MYO16: variants seen among roughly 807,000 people sequenced by gnomAD.
The protein encoded by MYO16 is unconventional myosin-XVI.
Under a neutral mutation model 205.3 loss-of-function variants are expected in MYO16, and 94 were observed. That is an observed-to-expected ratio of 0.46 (90% CI 0.39 to 0.54). The LOEUF (loss-of-function observed/expected upper bound fraction) is 0.54, where lower values mean the gene tolerates loss of function less well. Among genes scored for constraint, MYO16 ranks in the 20% least tolerant of loss-of-function variants. MYO16 has a pLI of 0.00. For missense variants in MYO16, 2,315 were observed against 2,387.5 expected, an observed-to-expected ratio of 0.97 and a Z score of 0.63; for synonymous variants, 988 against 954.0, an observed-to-expected ratio of 1.04 and a Z score of -0.66.
At position 109,162,356 on chromosome 13, in the gene MYO16, G is replaced by A. The variant is rs953091742; in HGVS notation, c.5165-2545G>A. ...GCCTTGGGGAAGCCCTCACTGCGCT[G>A]AGAATAAAACCTCTCAGTTCCTCTT... On this transcript the variant is annotated intron_variant, in intron 32 of 34. Transcript: ENST00000457511. This position sits in a 1 kb window ranked among gnomAD's most constrained non-coding sequence, Gnocchi z 4.6. Among the ~76,000 whole-genome samples the A allele has an allele frequency of 3.9e-5, 6 of 152,276 alleles. No homozygotes were observed. Among genetic ancestry groups the A allele is most frequent in the African/African-American group, 1.4e-4 (6 of 41,548 alleles).
chr13:109,141,454 G>A lies in MYO16; in HGVS notation c.5164+78G>A, dbSNP rs2139810587. ...TGCACCTGTGTACATCCGTGTCTGC[G>A]CAGATGTGAAATAGTAAAGTTTCAG... is the stretch of plus-strand genomic sequence containing the variant. On this transcript the variant is annotated intron_variant, in intron 32 of 34. Coordinates refer to ENST00000457511, the MANE Select transcript of MYO16 (RefSeq NM_001198950.3). This position sits in a 1 kb window ranked among gnomAD's most constrained non-coding sequence, Gnocchi z 4.1. 1 of 997,708 alleles carries A rather than the reference G, an allele frequency of 1.0e-6. No individual in the cohort carries two copies. 61.8% of individuals were successfully genotyped at this position (997,708 alleles called of 1,614,324 possible). A position where few individuals can be genotyped will look rare whatever the true frequency, so the allele number is the denominator to read the frequency against.
At chr13:108,828,563 A>T (rs903922529) in intron 9 of MYO16, among the ~76,000 whole-genome samples, 2 of 152,098 alleles carry the variant, frequency 1.3e-5, no homozygotes, top group African/African-American at 4.8e-5. Context: ...TGCCTTTGTT[A>T]CTCATGAGCC....
chr13:108,636,365 T>TG (rs1439881419), intron 1 of MYO16, among the ~76,000 whole-genome samples: 420 of 64,622 alleles, frequency 6.5e-3, no homozygotes, highest in Non-Finnish European at 0.01. Context: ...TTTTTTTTTT[T>TG]TTTTTGTGTG....
the MYO16 span, among the ~76,000 whole-genome samples, chr13:108,539,810 A>G: frequency 2.3e-3 from 345 of 152,230 alleles, 2 homozygotes; most frequent in African/African-American, 7.8e-3. Context: ...AAGCTCAGCC[A>G]AAAGAGTAGA....
intron 12 of MYO16, among the ~76,000 whole-genome samples, chr13:108,873,778 C>A (rs912596911): frequency 3.2e-4 from 48 of 151,430 alleles, no homozygotes; most frequent in Non-Finnish European, 6.2e-4. Context: ...AGGGTCCATG[C>A]CAACCAACCA....
At chr13:108,901,441 A>C (rs1351523902) in intron 15 of MYO16, among the ~76,000 whole-genome samples, 2 of 152,164 alleles carry the variant, frequency 1.3e-5, no homozygotes, top group African/African-American at 4.8e-5. Context: ...ACTCTTAGGG[A>C]AATTAGAAAA....
At chr13:109,037,561 G>A (rs749143492) in intron 23 of MYO16, among the ~76,000 whole-genome samples, 33 of 152,166 alleles carry the variant, frequency 2.2e-4, no homozygotes, top group Non-Finnish European at 3.2e-4. Context: ...GTACAGGTGA[G>A]CATTAGAAAC....
chr13:108,798,738 GCCCAGGCCGGACTGC>G (rs1886876055), intron 6 of MYO16, among the ~76,000 whole-genome samples: 1 of 102,090 alleles, frequency 9.8e-6, no homozygotes. Context: ...TCGCTCTGTC[GCCCAGGCCGGACTGC>G]GGACTGCAGT....
chr13:109,206,657 G>GA lies in MYO16; in HGVS notation c.5466dup (p.Leu1823ThrfsTer10). The GA allele has an allele frequency of 6.2e-7, 1 of 1,614,066 alleles. No individual in the cohort carries two copies. Among genetic ancestry groups the GA allele is most frequent in the African/African-American group, 1.3e-5 (1 of 75,028 alleles). On this transcript the variant is annotated frameshift_variant, in exon 35 of 35. Coordinates refer to ENST00000457511, the MANE Select transcript of MYO16 (RefSeq NM_001198950.3). LOFTEE classifies it high-confidence loss of function. ...AGAGAATGAAAGTGTGGCCCTGCAG[G>GA]AACTCTTGGACTGGAGGAGAAAGCT...
At chr13:108,753,357 C>G (rs1260469755) in intron 4 of MYO16, among the ~76,000 whole-genome samples, 1 of 84,786 alleles carries the variant, frequency 1.2e-5, no homozygotes, top group African/African-American at 6.6e-5. Context: ...GCAATAAGAG[C>G]AAAACTCTGT....
At chr13:108,556,695 A>C in the MYO16 span, among the ~76,000 whole-genome samples, 1 of 152,182 alleles carries the variant, frequency 6.6e-6, no homozygotes, top group Non-Finnish European at 1.5e-5. Context: ...TCATATTTAA[A>C]AATCATTGCC....
chr13:108,781,495 A>T (rs1040340056), intron 4 of MYO16, among the ~76,000 whole-genome samples: 2 of 152,192 alleles, frequency 1.3e-5, no homozygotes, highest in African/African-American at 4.8e-5. Context: ...GCCAACTCCC[A>T]TGCACAGCTG....
intron 2 of MYO16, among the ~76,000 whole-genome samples, chr13:108,683,303 G>T (rs1392797064): frequency 6.6e-6 from 1 of 151,826 alleles, no homozygotes; most frequent in African/African-American, 2.4e-5. Context: ...AAGCAGAGTT[G>T]CTGGCTTGTG....
upstream of MYO16, among the ~76,000 whole-genome samples, chr13:108,593,157 G>C (rs567695922): frequency 6.6e-6 from 1 of 152,240 alleles, no homozygotes; most frequent in South Asian, 2.1e-4. Context: ...GTAGTGAAGC[G>C]GGGGTGAATA....
the MYO16 span, among the ~76,000 whole-genome samples, chr13:108,577,412 T>C: frequency 6.6e-6 from 1 of 152,202 alleles, no homozygotes; most frequent in African/African-American, 2.4e-5. Flanking sequence ...ATACACATAA[T>C]AGAAGCTCTC....
intron 4 of MYO16, among the ~76,000 whole-genome samples, chr13:108,761,459 G>A (rs1885606646): frequency 1.9e-5 from 2 of 106,672 alleles, no homozygotes; most frequent in Admixed American, 2.1e-4. Flanking sequence ...GGGGGAGAAG[G>A]AACACCTGTT....
intron 16 of MYO16, among the ~76,000 whole-genome samples, chr13:108,912,012 C>A (rs1404311016): frequency 1.3e-5 from 2 of 152,280 alleles, no homozygotes; most frequent in East Asian, 1.9e-4. Context: ...GCCAGAGAAC[C>A]AGTCCTGCTG....
At chr13:108,578,184 C>T in the MYO16 span, among the ~76,000 whole-genome samples, 1 of 152,078 alleles carries the variant, frequency 6.6e-6, no homozygotes, top group African/African-American at 2.4e-5. Flanking sequence ...AAAAAGCTGC[C>T]GTCAGTTGCC....
intron 10 of MYO16, among the ~76,000 whole-genome samples, chr13:108,850,714 G>A (rs17485201): frequency 6.6e-6 from 1 of 152,014 alleles, no homozygotes; most frequent in Non-Finnish European, 1.5e-5. Flanking sequence ...TGATAGCCTC[G>A]CTTAAGATTG....
Sources: gnomAD v4.1 joint callset for allele counts (sites outside exome capture counted in the v4.1 genomes callset) on GRCh38, gnomAD v4.1.1 for gene constraint, Gnocchi (gnomAD v3.1) non-coding constraint, MANE v1.5 for transcripts, NCBI Gene and HGNC (gene_info 2026-07-23, HGNC 2026-07-21) for gene names.